STAM2: variants seen among roughly 807,000 people sequenced by gnomAD.
STAM2 encodes signal transducing adapter molecule 2.
A neutral mutation model predicts 65.6 loss-of-function variants in STAM2; 51 were observed. That is an observed-to-expected ratio of 0.78 (90% CI 0.62 to 0.98). The LOEUF is 0.98. Among genes scored for constraint, STAM2 ranks in the 50% least tolerant of loss-of-function variants. The probability of loss-of-function intolerance (pLI) is 0.00; values close to 1 mark genes in which losing one functional copy is unlikely to be tolerated. For missense variants in STAM2, 584 were observed against 617.8 expected (o/e 0.95, Z 0.58); for synonymous variants, 198 against 208.4 (o/e 0.95, Z 0.43).
intron 5 of STAM2, 120 bp from the exon 6 acceptor site, chr2:152,145,077 G>C (rs1220847637): frequency 3.7e-6 from 3 of 800,286 alleles, no homozygotes; most frequent in Non-Finnish European, 6.3e-6. Flanking sequence ...ATTTAAAAGT[G>C]AAGTTCTTTT....
At chr2:152,156,204 G>C (rs944051756) in intron 1 of STAM2, among the ~76,000 whole-genome samples, 2 of 151,950 alleles carry the variant, frequency 1.3e-5, no homozygotes, top group Non-Finnish European at 2.9e-5. Context: ...ATAGAAAATG[G>C]GAAATTCCTG....
intron 4 of STAM2, among the ~76,000 whole-genome samples, chr2:152,147,748 A>G (rs1299432965): frequency 6.6e-6 from 1 of 152,212 alleles, no homozygotes; most frequent in East Asian, 1.9e-4. Context: ...AGGGTAGTTA[A>G]GAGCATTCAA....
chr2:152,159,344 G>GA (rs1011188704), intron 1 of STAM2, among the ~76,000 whole-genome samples: 23 of 151,252 alleles, frequency 1.5e-4, no homozygotes, highest in Non-Finnish European at 2.8e-4. Context: ...AAAGGAAAAA[G>GA]AAAAAAACCA....
chr2:152,123,909 T>C lies in STAM2; in HGVS notation c.1206A>G (p.Gly402=). 6.2e-7 allele frequency: 1 copy of C among 1,614,116 alleles called. No individual in the cohort carries two copies. The highest frequency in any genetic ancestry group is 8.5e-7 in the Non-Finnish European group (1 of 1,180,014). The change falls in exon 13 of 14, where the codon GGA becomes GGG. Residue 402 remains glycine (G), a synonymous_variant. Transcript: ENST00000263904. ...MQTYPVQSHG[G]NYMGQSIHQV... ...GGTGAATGCTCTGACCCATATAGTT[T>C]CCACCATGTGATTGAACTGGATATG...
At chr2:152,164,753 A>G (rs72864757) in intron 1 of STAM2, among the ~76,000 whole-genome samples, 54,716 of 152,120 alleles carry the variant, frequency 0.36, 12,441 homozygotes, top group Non-Finnish European at 0.51. Flanking sequence ...TGTCACCACC[A>G]ACATTTCTGG....
intron 13 of STAM2, among the ~76,000 whole-genome samples, chr2:152,122,999 A>T (rs183208595): frequency 6.6e-6 from 1 of 151,796 alleles, no homozygotes; most frequent in Admixed American, 6.6e-5. Flanking sequence ...TGAGACCGGG[A>T]GGTCAAGACT....
chr2:152,154,811 G>C (rs891681943), intron 1 of STAM2, among the ~76,000 whole-genome samples: 1 of 152,130 alleles, frequency 6.6e-6, no homozygotes, highest in Non-Finnish European at 1.5e-5. Flanking sequence ...GTCTATACCA[G>C]TATTTTTAGT....
At chr2:152,145,468 T>A (rs1032212300) in intron 5 of STAM2, among the ~76,000 whole-genome samples, 12 of 152,228 alleles carry the variant, frequency 7.9e-5, no homozygotes, top group African/African-American at 2.9e-4. Context: ...CACACAGGGA[T>A]CAAACTGGCT....
chr2:152,162,485 C>T (rs1387907726), intron 1 of STAM2, among the ~76,000 whole-genome samples: 1 of 152,134 alleles, frequency 6.6e-6, no homozygotes, highest in African/African-American at 2.4e-5. Context: ...AAGGCTGAGG[C>T]AGGAGAATAC....
intron 12 of STAM2, 184 bp from the exon 13 acceptor site, chr2:152,124,119 G>C (rs773902497): frequency 1.8e-6 from 1 of 549,504 alleles, no homozygotes; most frequent in Non-Finnish European, 3.2e-6. Flanking sequence ...CCAAATCTAT[G>C]GAAATTTGAT....
Position 152,143,826 on chromosome 2 carries a change from C to A in STAM2, c.704+1G>T, listed in dbSNP as rs898848672. ...CCTTCCCATAAAGATTTAAAACTTA[C>A]CTGTCATCCAAAACAATAATTATTT... On this transcript the variant is annotated splice_donor_variant, in intron 7 of 13. Coordinates refer to ENST00000263904, the MANE Select transcript of STAM2 (RefSeq NM_005843.6). LOFTEE classifies it high-confidence loss of function. The A allele has an allele frequency of 3.1e-6, 5 of 1,606,084 alleles. No homozygotes were observed. Among genetic ancestry groups the A allele is most frequent in the Non-Finnish European group, 4.3e-6 (5 of 1,176,128 alleles).
At chr2:152,134,514 A>G (rs184346532) in intron 8 of STAM2, among the ~76,000 whole-genome samples, 2 of 152,294 alleles carry the variant, frequency 1.3e-5, no homozygotes, top group East Asian at 3.9e-4. Context: ...ATCACTCTAC[A>G]CATACAAAGA....
chr2:152,172,381 C>A (rs1462404178), intron 1 of STAM2, among the ~76,000 whole-genome samples: 7 of 152,118 alleles, frequency 4.6e-5, no homozygotes. Context: ...CCTAAGACAT[C>A]TTGACCCATC....
At chr2:152,155,121 G>T (rs558448121) in intron 1 of STAM2, among the ~76,000 whole-genome samples, 1 of 152,232 alleles carries the variant, frequency 6.6e-6, no homozygotes, top group East Asian at 1.9e-4. Context: ...ATCATGGCAC[G>T]AATTTTTGTT....
intron 1 of STAM2, among the ~76,000 whole-genome samples, chr2:152,152,041 C>A (rs372359178): frequency 1.3e-5 from 2 of 151,922 alleles, no homozygotes; most frequent in African/African-American, 4.8e-5. Flanking sequence ...CCGGGGCTCA[C>A]GTGATCCTCC....
chr2:152,153,885 T>TACTC (rs1689492201), intron 1 of STAM2, among the ~76,000 whole-genome samples: 1 of 144,856 alleles, frequency 6.9e-6, no homozygotes. Context: ...AGACATTACA[T>TACTC]ACACACACAC....
intron 2 of STAM2, 67 bp from the exon 3 acceptor site, chr2:152,148,367 T>C (rs1417862680): frequency 4.0e-6 from 5 of 1,244,338 alleles, no homozygotes; most frequent in African/African-American, 1.5e-5. Flanking sequence ...AACATTAAGG[T>C]ATTATTCTAT....
intron 12 of STAM2, chr2:152,126,007 T>G: frequency 2.6e-6 from 1 of 390,230 alleles, no homozygotes; most frequent in East Asian, 4.3e-5. Flanking sequence ...TTCATCCATG[T>G]TAAAACTGAA....
chr2:152,170,778 C>T (rs780211333), intron 1 of STAM2, among the ~76,000 whole-genome samples: 4 of 152,136 alleles, frequency 2.6e-5, no homozygotes, highest in Non-Finnish European at 5.9e-5. Flanking sequence ...GGCAGATCAC[C>T]TAAGGTCAGG....
Sources: allele counts gnomAD v4.1 joint callset (sites outside exome capture counted in the v4.1 genomes callset), GRCh38; gene constraint gnomAD v4.1.1; transcripts MANE v1.5; gene names NCBI Gene and HGNC (gene_info 2026-07-23, HGNC 2026-07-21).